Variants in GATAD2A observed in about 807,000 individuals in gnomAD.
The protein encoded by GATAD2A is GATA zinc finger domain containing 2A.
GATAD2A carries 12 observed loss-of-function variants against 68.5 expected under a neutral mutation model. That is an observed-to-expected ratio of 0.18 (90% CI 0.11 to 0.28). GATAD2A has a LOEUF of 0.28. GATAD2A is among the 10% of genes least tolerant of loss of function. GATAD2A has a pLI of 1.00. For missense variants in GATAD2A, 755 were observed against 868.5 expected (o/e 0.87, Z 1.64); for synonymous variants, 410 against 375.3 (o/e 1.09, Z -1.07).
At chr19:19,440,864 C>T (rs936747078) in intron 1 of GATAD2A, among the ~76,000 whole-genome samples, 1 of 152,140 alleles carries the variant, frequency 6.6e-6, no homozygotes, top group African/African-American at 2.4e-5. Flanking sequence ...AGCGAGATAC[C>T]CAATAAAGGT....
At chr19:19,415,233 A>T (rs2051460547) in intron 1 of GATAD2A, among the ~76,000 whole-genome samples, 1 of 151,130 alleles carries the variant, frequency 6.6e-6, no homozygotes, top group South Asian at 2.1e-4. Context: ...GCTCACTGCA[A>T]CCTCCGCCTC....
chr19:19,429,107 T>C (rs1194438241), intron 1 of GATAD2A: 16 of 775,118 alleles, frequency 2.1e-5, no homozygotes, highest in Non-Finnish European at 2.5e-5. Flanking sequence ...TGTAGTCTCC[T>C]CCTCCGTGCC....
At chr19:19,480,858 A>T (rs1294655705) in intron 2 of GATAD2A, among the ~76,000 whole-genome samples, 1 of 152,160 alleles carries the variant, frequency 6.6e-6, no homozygotes, top group African/African-American at 2.4e-5. Flanking sequence ...AGTGATGGGG[A>T]TCCAGCCACT....
At chr19:19,433,865 C>T (rs1019941922) in intron 1 of GATAD2A, among the ~76,000 whole-genome samples, 1 of 152,222 alleles carries the variant, frequency 6.6e-6, no homozygotes, top group Non-Finnish European at 1.5e-5. Flanking sequence ...GCCTCCTGGG[C>T]TCAGGTGATC....
chr19:19,451,924 GAACC>G (rs2056427251), intron 1 of GATAD2A, among the ~76,000 whole-genome samples: 1 of 152,182 alleles, frequency 6.6e-6, no homozygotes, highest in Non-Finnish European at 1.5e-5. Context: ...TTGCAGCCTT[GAACC>G]CATGGACTCA....
In GATAD2A at chr19:19,492,614, A is replaced by G. The variant is rs2059876114; in HGVS notation, c.436A>G (p.Lys146Glu). The G allele has an allele frequency of 6.2e-7, 1 of 1,614,166 alleles. No individual in the cohort carries two copies. The highest frequency in any genetic ancestry group is 8.5e-7 in the Non-Finnish European group (1 of 1,179,982). Residue 146 changes from lysine to glutamate, a missense_variant, in exon 4 of 12, where the codon AAG (lysine) becomes GAG (glutamate). Physicochemically the swap from Lys to Glu is moderately conservative, Grantham distance 56 (BLOSUM62 1). Transcript: ENST00000683918. ...TCCTGAAGAACGAGAAAGGATGATCAAGCAGCTGAAGGAAGAATTGAGGTT... is the reference window on the plus strand; with the variant it reads ...TCCTGAAGAACGAGAAAGGATGATCGAGCAGCTGAAGGAAGAATTGAGGTT... Reference protein sequence around the residue: ...SSPEERERMIKQLKEELRLEE... With the variant: ...SSPEERERMIEQLKEELRLEE...
chr19:19,464,290 C>T (rs1288880361), intron 1 of GATAD2A, among the ~76,000 whole-genome samples: 13 of 152,218 alleles, frequency 8.5e-5, no homozygotes, highest in Non-Finnish European at 4.4e-5. Context: ...CACTAGAGCT[C>T]AGCTGCTAAA....
intron 1 of GATAD2A, among the ~76,000 whole-genome samples, chr19:19,452,836 C>A (rs1056753289): frequency 6.6e-6 from 1 of 152,154 alleles, no homozygotes; most frequent in Admixed American, 6.5e-5. Context: ...GTGGGACAGT[C>A]GTGTATGGCA....
intron 1 of GATAD2A, among the ~76,000 whole-genome samples, chr19:19,421,014 A>G (rs961807942): frequency 9.9e-5 from 15 of 152,182 alleles, no homozygotes; most frequent in Non-Finnish European, 1.5e-4. Context: ...GCTTTTCTCT[A>G]GCAGTTTGAA....
At chr19:19,420,882 T>C (rs980364808) in intron 1 of GATAD2A, among the ~76,000 whole-genome samples, 19 of 152,204 alleles carry the variant, frequency 1.2e-4, no homozygotes, top group Admixed American at 1.2e-3. Flanking sequence ...TGTTGGCACA[T>C]TGCCTGGCAC....
chr19:19,486,930 A>G (rs924186388), intron 2 of GATAD2A, among the ~76,000 whole-genome samples: 1 of 152,210 alleles, frequency 6.6e-6, no homozygotes, highest in Non-Finnish European at 1.5e-5. Context: ...GGTGTCTTCT[A>G]GCTCACTGGG....
intron 1 of GATAD2A, among the ~76,000 whole-genome samples, chr19:19,390,766 G>GT (rs1177327672): frequency 6.6e-6 from 1 of 152,218 alleles, no homozygotes; most frequent in Non-Finnish European, 1.5e-5. Flanking sequence ...GCTTGAGTGA[G>GT]TGAGTCCAGC....
At chr19:19,484,605 T>G (rs529374200) in intron 2 of GATAD2A, among the ~76,000 whole-genome samples, 30 of 143,494 alleles carry the variant, frequency 2.1e-4, no homozygotes, top group South Asian at 1.9e-3. Flanking sequence ...CGATCTCGGC[T>G]CCCTGCAGGC....
At chr19:19,404,781 G>T (rs939773966), upstream of GATAD2A, among the ~76,000 whole-genome samples, 5 of 152,158 alleles carry the variant, frequency 3.3e-5, no homozygotes, top group African/African-American at 1.2e-4. Flanking sequence ...TAGGGTATGC[G>T]ATAAAGCATG....
intron 1 of GATAD2A, among the ~76,000 whole-genome samples, chr19:19,444,007 G>C (rs570940779): frequency 1.1e-4 from 17 of 152,260 alleles, no homozygotes; most frequent in African/African-American, 3.6e-4. Context: ...GAGCCCTCAG[G>C]AAGTGTTAGC....
chr19:19,394,052 A>T (rs1431351084), intron 1 of GATAD2A, among the ~76,000 whole-genome samples: 1 of 151,636 alleles, frequency 6.6e-6, no homozygotes, highest in Non-Finnish European at 1.5e-5. Context: ...ACGGCTGGCT[A>T]ATTTTTTGTG....
rs2060507373 is a variant in GATAD2A at position 19,501,348 on chromosome 19, C to A, written c.1435C>A (p.Gln479Lys). Reference protein sequence around the residue: ...QEQEIEQRLLQQGTAPAQAKA... With the variant: ...QEQEIEQRLLKQGTAPAQAKA... ...ACAGGAGATTGAGCAGCGGCTCCTGCAGCAGGGCACGGCCCCTGCACAGGC... is the reference window on the plus strand; with the variant it reads ...ACAGGAGATTGAGCAGCGGCTCCTGAAGCAGGGCACGGCCCCTGCACAGGC... The change falls in exon 9 of 12, where the codon CAG becomes AAG. Residue 479 changes from glutamine to lysine, a missense_variant. Transcript: ENST00000683918. 6.2e-7 allele frequency: 1 copy of A among 1,611,910 alleles called. No homozygotes were observed. The highest frequency in any genetic ancestry group is 1.3e-5 in the African/African-American group (1 of 74,906).
At position 19,464,374 on chromosome 19, in the gene GATAD2A, C is replaced by A. The variant is rs1234866271; in HGVS notation, c.-6-966C>A. On this transcript the variant is annotated intron_variant, in intron 1 of 11. Transcript: ENST00000683918. ...GACTCTCTCTGTCTCAATTCCTGTG[C>A]CCTGTCCTGTTGGGACGTCGAGGCC... 3.3e-5 allele frequency among the ~76,000 whole-genome samples: 5 copies of A among 152,206 alleles called. No individual in the cohort carries two copies. The East Asian group carries it at 9.6e-4, about 29-fold the overall frequency.
At chr19:19,386,289 C>T (rs897352354) in intron 1 of GATAD2A, among the ~76,000 whole-genome samples, 171 of 152,262 alleles carry the variant, frequency 1.1e-3, no homozygotes, top group Non-Finnish European at 2.2e-3. Flanking sequence ...TGGGCCCCCC[C>T]GCCTCTCCAG....
Sources: allele counts gnomAD v4.1 joint callset (sites outside exome capture counted in the v4.1 genomes callset), GRCh38; gene constraint gnomAD v4.1.1; transcripts MANE v1.5; gene names NCBI Gene and HGNC (gene_info 2026-07-23, HGNC 2026-07-21).